The following RALGAPA2 variants were observed in gnomAD, a reference collection of about 807,000 sequenced individuals.
RALGAPA2 encodes ral GTPase-activating protein subunit alpha-2.
RALGAPA2 carries 139 observed loss-of-function variants against 230.4 expected under a neutral mutation model. The ratio of observed to expected loss-of-function variants is 0.60; its 90% CI spans 0.53 to 0.69. The LOEUF is 0.69. Among genes scored for constraint, RALGAPA2 ranks in the 30% least tolerant of loss-of-function variants. RALGAPA2 has a pLI of 0.00. For synonymous variants in RALGAPA2, 847 were observed against 837.8 expected (o/e 1.01, Z -0.19); for missense variants, 2,163 against 2,276.0 (o/e 0.95, Z 1.01).
intron 37 of RALGAPA2, among the ~76,000 whole-genome samples, chr20:20,468,816 C>G (rs2061476545): frequency 6.6e-6 from 1 of 152,056 alleles, no homozygotes; most frequent in Non-Finnish European, 1.5e-5. Flanking sequence ...AGGTCCCACA[C>G]TGACTTAGTC....
At chr20:20,472,764 A>G in intron 37 of RALGAPA2, 65 bp downstream of exon 37, 1 of 1,540,866 alleles carries the variant, frequency 6.5e-7, no homozygotes, top group Middle Eastern at 1.7e-4. Context: ...ACCTCTTATG[A>G]AAAACTGCCA....
At chr20:20,512,364 G>C (rs1355197913) in intron 32 of RALGAPA2, 149 bp downstream of exon 32, 20 of 831,974 alleles carry the variant, frequency 2.4e-5, no homozygotes, top group Non-Finnish European at 3.6e-5. Flanking sequence ...TTTAGTAGCA[G>C]AAAATAAGCT....
chr20:20,606,572 C>T (rs1175237995), intron 14 of RALGAPA2, among the ~76,000 whole-genome samples: 1 of 152,048 alleles, frequency 6.6e-6, no homozygotes, highest in African/African-American at 2.4e-5. Context: ...GTATAACTCC[C>T]CCTCATTTCT....
At chr20:20,526,510 CAG>C (rs1259468448) in intron 27 of RALGAPA2, 148 bp from the exon 28 acceptor site, 2 of 580,990 alleles carry the variant, frequency 3.4e-6, no homozygotes, top group African/African-American at 3.8e-5. Flanking sequence ...CCTATTACCA[CAG>C]AGTTTAGACA....
Position 20,705,816 on chromosome 20 carries a change from G to A in RALGAPA2, c.106+6559C>T, listed in dbSNP as rs567150281. On this transcript the variant is annotated intron_variant, in intron 1 of 39. Coordinates refer to ENST00000202677, the MANE Select transcript of RALGAPA2 (RefSeq NM_020343.4). Reference sequence around the variant, plus strand: ...CCCGAGCAGCTGGGATTACAGGCACGCGCAACCACCCCTGGCTAATTTTTG... The same window carrying A: ...CCCGAGCAGCTGGGATTACAGGCACACGCAACCACCCCTGGCTAATTTTTG... Among the ~76,000 whole-genome samples, 12 of 152,140 alleles carry A rather than the reference G, an allele frequency of 7.9e-5. No individual in the cohort carries two copies. In the East Asian group the frequency reaches 2.3e-3, roughly 29 times the overall value.
chr20:20,630,274 C>T (rs2066627805), intron 9 of RALGAPA2, among the ~76,000 whole-genome samples: 1 of 152,180 alleles, frequency 6.6e-6, no homozygotes, highest in South Asian at 2.1e-4. Flanking sequence ...TTACTCCAAA[C>T]AAAATATACA....
intron 12 of RALGAPA2, among the ~76,000 whole-genome samples, chr20:20,618,975 G>A (rs1337069634): frequency 6.6e-6 from 1 of 152,122 alleles, no homozygotes; most frequent in South Asian, 2.1e-4. Flanking sequence ...GTGTTTGGAA[G>A]ATAATTTAAA....
At position 20,707,411 on chromosome 20, in the gene RALGAPA2, G is replaced by A. The variant is rs141799167; in HGVS notation, c.106+4964C>T. Among the ~76,000 whole-genome samples, 46 of 152,164 alleles carry A rather than the reference G, an allele frequency of 3.0e-4. 1 individual carries two copies. In the East Asian group the frequency reaches 8.5e-3, roughly 28 times the overall value. On this transcript the variant is annotated intron_variant, in intron 1 of 39. Coordinates refer to ENST00000202677, the MANE Select transcript of RALGAPA2 (RefSeq NM_020343.4). ...GGAAAAGGGAAGGAAGAAAAAAAAG[G>A]AAAGAAGGAAGGAGAGAAAAGAACA...
chr20:20,583,303 G>C lies in RALGAPA2; in HGVS notation c.2531-77C>G, dbSNP rs2065041985. ...AATGTTCACAATTACTGATACGAAA[G>C]TAACTAAACAAACAGCAGACACAGT... On this transcript the variant is annotated intron_variant, in intron 19 of 39. Transcript: ENST00000202677. 3 of 1,406,804 alleles carry C rather than the reference G, an allele frequency of 2.1e-6. No homozygotes were observed. In the South Asian group the frequency reaches 4.3e-5, roughly 20 times the overall value. 87.1% of individuals were successfully genotyped at this position (1,406,804 alleles called of 1,614,324 possible).
chr20:20,478,316 T>C (rs900927600), intron 36 of RALGAPA2, among the ~76,000 whole-genome samples: 10 of 151,966 alleles, frequency 6.6e-5, no homozygotes, highest in African/African-American at 1.9e-4. Flanking sequence ...AAATAAAGAC[T>C]GCAACATAAT....
chr20:20,390,369 G>A lies in RALGAPA2; in HGVS notation c.*2920C>T, dbSNP rs2059584397. 1 of 152,220 alleles carries A rather than the reference G, an allele frequency of 6.6e-6. No individual in the cohort carries two copies. Among genetic ancestry groups the A allele is most frequent in the Non-Finnish European group, 1.5e-5 (1 of 68,036 alleles). The allele number at this position is 152,220 out of a possible 1,614,324, so 9.4% of individuals were successfully genotyped here. A position where few individuals can be genotyped will look rare whatever the true frequency, so the allele number is the denominator to read the frequency against. ...AATTTCTTCACTTCTGTCTGCTGAA[G>A]GCTTATTTTTAAAAAGTCATAATTT... On this transcript the variant is annotated 3_prime_UTR_variant, in exon 40 of 40. Coordinates refer to ENST00000202677, the MANE Select transcript of RALGAPA2 (RefSeq NM_020343.4).
At chr20:20,469,651 T>C (rs1340113673) in intron 37 of RALGAPA2, among the ~76,000 whole-genome samples, 2 of 152,160 alleles carry the variant, frequency 1.3e-5, no homozygotes, top group African/African-American at 4.8e-5. Context: ...GCACACTGCA[T>C]ATTGTGTGGC....
intron 37 of RALGAPA2, among the ~76,000 whole-genome samples, chr20:20,423,972 G>T (rs1430845697): frequency 6.6e-6 from 1 of 152,164 alleles, no homozygotes; most frequent in Admixed American, 6.5e-5. Context: ...AATGATAAGA[G>T]CAAATGGAAA....
rs1568608725 is a variant in RALGAPA2 at position 20,583,151 on chromosome 20, C to T, written c.2606G>A (p.Cys869Tyr). The T allele has an allele frequency of 6.2e-7, 1 of 1,613,720 alleles. No individual in the cohort carries two copies. Among genetic ancestry groups the T allele is most frequent in the East Asian group, 2.2e-5 (1 of 44,854 alleles). ...AELSMGPWQTCEEDPELNTPT... is the reference protein window; with the variant it reads ...AELSMGPWQTYEEDPELNTPT... Reference sequence around the variant, plus strand: ...AGTATTCAGTTCTGGGTCTTCCTCACAGGTCTGCCATGGGCCCATGGACAG... The same window carrying T: ...AGTATTCAGTTCTGGGTCTTCCTCATAGGTCTGCCATGGGCCCATGGACAG... Residue 869 changes from cysteine (C) to tyrosine (Y), a missense_variant, in exon 20 of 40, where the codon TGT (cysteine) becomes TAT (tyrosine). By Grantham distance (194) the Cys-to-Tyr change is radical. Coordinates refer to ENST00000202677, the MANE Select transcript of RALGAPA2 (RefSeq NM_020343.4).
chr20:20,394,400 G>A (rs1029612681), intron 39 of RALGAPA2, among the ~76,000 whole-genome samples: 1 of 152,128 alleles, frequency 6.6e-6, no homozygotes, highest in Non-Finnish European at 1.5e-5. Flanking sequence ...GGCTGCAGCC[G>A]GGCGCGGTGG....
In RALGAPA2 at chr20:20,472,897, G is replaced by T. The variant is rs2061571023; in HGVS notation, c.5427C>A (p.Ser1809Arg). The change falls in exon 37 of 40, where the codon AGC becomes AGA. Residue 1809 changes from serine to arginine, a missense_variant. Coordinates refer to ENST00000202677, the MANE Select transcript of RALGAPA2 (RefSeq NM_020343.4). ...GAIVSGKLLP[S>R]LVCATCINAS... ...CGTTGATGCACGTGGCACATACAAGGCTTGGCAGCAGCTTCCCACTCACTA... is the reference window on the plus strand; with the variant it reads ...CGTTGATGCACGTGGCACATACAAGTCTTGGCAGCAGCTTCCCACTCACTA... The T allele has an allele frequency of 6.2e-7, 1 of 1,613,624 alleles. No individual in the cohort carries two copies. Among genetic ancestry groups the T allele is most frequent in the Non-Finnish European group, 8.5e-7 (1 of 1,179,662 alleles).
chr20:20,490,892 A>ACACACT (rs1556157643), intron 36 of RALGAPA2, among the ~76,000 whole-genome samples: 12 of 150,012 alleles, frequency 8.0e-5, no homozygotes, highest in African/African-American at 2.5e-4. Flanking sequence ...ACACACACAC[A>ACACACT]CACTCACACT....
chr20:20,415,783 T>C (rs2060152621), intron 37 of RALGAPA2, among the ~76,000 whole-genome samples: 1 of 152,194 alleles, frequency 6.6e-6, no homozygotes, highest in African/African-American at 2.4e-5. Flanking sequence ...TATACGCCTT[T>C]ACTGGTTACA....
intron 35 of RALGAPA2, among the ~76,000 whole-genome samples, chr20:20,500,167 G>A (rs1024910469): frequency 2.6e-5 from 4 of 152,124 alleles, no homozygotes; most frequent in Admixed American, 6.5e-5. Context: ...GATTGATCAG[G>A]GTGGCAGTTG....
Sources: gnomAD v4.1 joint callset for allele counts (sites outside exome capture counted in the v4.1 genomes callset) on GRCh38, gnomAD v4.1.1 for gene constraint, MANE v1.5 for transcripts, NCBI Gene and HGNC (gene_info 2026-07-23, HGNC 2026-07-21) for gene names.